The following TMC3 variants were observed in gnomAD, a reference collection of about 807,000 sequenced individuals.
TMC3 encodes the protein transmembrane channel-like protein 3.
In TMC3, 98 loss-of-function variants were observed where a neutral mutation model predicts 110.6. That is an observed-to-expected ratio of 0.89 (90% CI 0.75 to 1.05). The LOEUF (loss-of-function observed/expected upper bound fraction) is 1.05. Ranked by LOEUF, TMC3 falls within the 50% of genes least tolerant of loss-of-function variation. The pLI is 0.00. For missense variants in TMC3, 1,319 were observed against 1,373.2 expected (o/e 0.96, Z 0.62); for synonymous variants, 489 against 513.1 (o/e 0.95, Z 0.63).
At position 81,358,232 on chromosome 15, in the gene TMC3, C is replaced by T; in HGVS notation, c.660G>A (p.Gly220=). 4 of 1,613,526 alleles carry T rather than the reference C, an allele frequency of 2.5e-6. No individual in the cohort carries two copies. The highest frequency in any genetic ancestry group is 3.4e-6 in the Non-Finnish European group (4 of 1,179,668). Residue 220 remains glycine (G), a synonymous_variant, in exon 7 of 22, where the codon GGG becomes GGA. Transcript: ENST00000359440. ...YGYYGRERKI[G]RAGYRLPLAY... ...CCAAGGGCAGCCGGTAGCCAGCTCT[C>T]CCGATCTTCCTCTCCCTGCCGTAAT...
chr15:81,356,744 G>A (rs562059548), intron 7 of TMC3, 150 bp from the exon 8 acceptor site: 59 of 840,338 alleles, frequency 7.0e-5, no homozygotes, highest in African/African-American at 1.4e-4. Flanking sequence ...GGAGAGCACC[G>A]ACTGGATTTC....
chr15:81,368,725 A>C (rs983034690), intron 2 of TMC3, among the ~76,000 whole-genome samples: 14 of 152,160 alleles, frequency 9.2e-5, no homozygotes, highest in Non-Finnish European at 1.9e-4. Context: ...TTAAAAGTGC[A>C]AATCAGACCT....
chr15:81,341,120 A>G (rs1164161042), intron 16 of TMC3, among the ~76,000 whole-genome samples: 1 of 152,236 alleles, frequency 6.6e-6, no homozygotes, highest in Admixed American at 6.5e-5. Context: ...CAAGCTAAAC[A>G]TTTACGATTT....
At chr15:81,356,146 G>T (rs1455541959) in intron 8 of TMC3, among the ~76,000 whole-genome samples, 1 of 152,042 alleles carries the variant, frequency 6.6e-6, no homozygotes, top group Non-Finnish European at 1.5e-5. Flanking sequence ...TCATTTTCAG[G>T]TTATATACAT....
chr15:81,370,830 A>G (rs1293037403), intron 2 of TMC3, among the ~76,000 whole-genome samples: 1 of 152,010 alleles, frequency 6.6e-6, no homozygotes, highest in African/African-American at 2.4e-5. Flanking sequence ...GCCTGCCACC[A>G]TGCCCAACTA....
chr15:81,355,122 C>A lies in TMC3; in HGVS notation c.935+603G>T, dbSNP rs78330641. Among the ~76,000 whole-genome samples, 582 of 152,286 alleles carry A rather than the reference C, an allele frequency of 3.8e-3. 7 individuals carry two copies. The highest frequency in any genetic ancestry group is 0.013 in the African/African-American group (552 of 41,556). ...GGTGTGTTTCCTTAATTCCCCATGT[C>A]CTTTTGTACAAGTCCTCCGAATGGG... On this transcript the variant is annotated intron_variant, in intron 9 of 21. Coordinates refer to ENST00000359440, the MANE Select transcript of TMC3 (RefSeq NM_001080532.3).
chr15:81,359,677 A>T (rs1157779802), intron 4 of TMC3, among the ~76,000 whole-genome samples: 1 of 152,234 alleles, frequency 6.6e-6, no homozygotes, highest in Non-Finnish European at 1.5e-5. Flanking sequence ...ATAGGCAGGA[A>T]AAGTCTCTAG....
intron 2 of TMC3, among the ~76,000 whole-genome samples, 163 bp from the exon 3 acceptor site, chr15:81,368,491 A>G (rs901187143): frequency 3.4e-5 from 5 of 148,218 alleles, no homozygotes; most frequent in Non-Finnish European, 7.5e-5. Context: ...TCATGGTCTA[A>G]TTTTTGGTAA....
At chr15:81,338,948 A>G (rs887540431) in intron 17 of TMC3, among the ~76,000 whole-genome samples, 168 bp from the exon 18 acceptor site, 2 of 152,224 alleles carry the variant, frequency 1.3e-5, no homozygotes, top group Non-Finnish European at 2.9e-5. Flanking sequence ...ATCACATTGC[A>G]TGTATGTGTG....
chr15:81,340,496 C>A (rs538029175), intron 16 of TMC3, among the ~76,000 whole-genome samples: 1 of 152,212 alleles, frequency 6.6e-6, no homozygotes, highest in South Asian at 2.1e-4. Flanking sequence ...AGTTTGAAAG[C>A]CACTGATATA....
chr15:81,344,777 A>G lies in TMC3; in HGVS notation c.1507T>C (p.Tyr503His). Residue 503 changes from tyrosine (Y) to histidine (H), a missense_variant, in exon 13 of 22, where the codon TAC (tyrosine) becomes CAC (histidine). By Grantham distance (83) the Tyr-to-His change is moderately conservative. Coordinates refer to ENST00000359440, the MANE Select transcript of TMC3 (RefSeq NM_001080532.3). Reference sequence around the variant, plus strand: ...GTAAAGAGAACCACCTGACCAACGTATGTCTCCCAGCACTGGTCTTGTGGA... The same window carrying G: ...GTAAAGAGAACCACCTGACCAACGTGTGTCTCCCAGCACTGGTCTTGTGGA... ...QSPQDQCWET[Y>H]VGQEMLKLSI... The G allele has an allele frequency of 1.9e-6, 3 of 1,613,834 alleles. No homozygotes were observed. Among genetic ancestry groups the G allele is most frequent in the Non-Finnish European group, 2.5e-6 (3 of 1,179,890 alleles).
rs763622377 is a variant in TMC3, at chr15:81,343,353, A to G, written c.1648-8T>C. 3 of 1,597,594 alleles carry G rather than the reference A, an allele frequency of 1.9e-6. No individual in the cohort carries two copies. The highest frequency in any genetic ancestry group is 1.3e-5 in the African/African-American group (1 of 74,644). On this transcript the variant is annotated splice_polypyrimidine_tract_variant and splice_region_variant and intron_variant, in intron 14 of 21. Coordinates refer to ENST00000359440, the MANE Select transcript of TMC3 (RefSeq NM_001080532.3). ...GAATTCTCCATATTCAGGCTACAAG[A>G]GAAAATAAACTTGTGCATTAAACAA...
Position 81,356,498 on chromosome 15 carries a change from T to C in TMC3, c.840A>G (p.Gly280=), listed in dbSNP as rs1894064646. 1 of 1,569,886 alleles carries C rather than the reference T, an allele frequency of 6.4e-7. No homozygotes were observed. The highest frequency in any genetic ancestry group is 8.6e-7 in the Non-Finnish European group (1 of 1,156,934). ...TTTTGCTCTCTGCAGCCTCTGGGTT[T>C]CCAATGAGGTAATCCCAGGCACAGA... The part of the protein sequence containing the change: ...RVFCAWDYLI[G]NPEAAESKTA... The change falls in exon 8 of 22, where the codon GGA becomes GGG. Residue 280 remains glycine, a synonymous_variant. Coordinates refer to ENST00000359440, the MANE Select transcript of TMC3 (RefSeq NM_001080532.3).
At chr15:81,353,867 C>T (rs1894003235) in intron 9 of TMC3, among the ~76,000 whole-genome samples, 1 of 152,180 alleles carries the variant, frequency 6.6e-6, no homozygotes, top group African/African-American at 2.4e-5. Context: ...CTGTTATCTT[C>T]AGCTCTTAAA....
Position 81,337,844 on chromosome 15 carries a change from G to A in TMC3, c.2160+2C>T, listed in dbSNP as rs1893630546. 1.2e-6 allele frequency: 2 copies of A among 1,612,506 alleles called. No homozygotes were observed. The highest frequency in any genetic ancestry group is 1.7e-6 in the Non-Finnish European group (2 of 1,178,500). On this transcript the variant is annotated splice_donor_variant, in intron 19 of 21. Transcript: ENST00000359440. LOFTEE classifies it low-confidence loss of function (GC_TO_GT_DONOR). Reference sequence around the variant, plus strand: ...TAATAGCAAAGTTCATGAAATACTTGCGTTTTGGATCTGCATTTTGAGCTG... The same window carrying A: ...TAATAGCAAAGTTCATGAAATACTTACGTTTTGGATCTGCATTTTGAGCTG...
chr15:81,360,964 G>A (rs1176472536), intron 4 of TMC3, among the ~76,000 whole-genome samples: 6 of 147,734 alleles, frequency 4.1e-5, no homozygotes. Context: ...AGTTTATTAC[G>A]GTTTTCTCTT....
chr15:81,374,081 A>C lies in TMC3; in HGVS notation c.-4T>G. ...GGGATGCCTTCGAGGTTTTCATGGG[A>C]GCTAACCCACTGCTAACAATCAGAA... On this transcript the variant is annotated 5_prime_UTR_variant, in exon 1 of 22. Coordinates refer to ENST00000359440, the MANE Select transcript of TMC3 (RefSeq NM_001080532.3). 6.2e-7 allele frequency: 1 copy of C among 1,613,272 alleles called. No homozygotes were observed. The highest frequency in any genetic ancestry group is 8.5e-7 in the Non-Finnish European group (1 of 1,179,616).
At chr15:81,365,670 C>CAAAAAAA (rs398043535) in intron 3 of TMC3, among the ~76,000 whole-genome samples, 1 of 82,170 alleles carries the variant, frequency 1.2e-5, no homozygotes, top group African/African-American at 3.8e-5. Flanking sequence ...GACTCTGTCT[C>CAAAAAAA]AAAAAAAAAA....
chr15:81,340,984 G>A (rs1228619116), intron 16 of TMC3, among the ~76,000 whole-genome samples: 1 of 152,224 alleles, frequency 6.6e-6, no homozygotes, highest in Admixed American at 6.5e-5. Context: ...TAAAACCCAG[G>A]CAAGCCTAAT....
Sources: gnomAD v4.1 joint callset for allele counts (sites outside exome capture counted in the v4.1 genomes callset) on GRCh38, gnomAD v4.1.1 for gene constraint, MANE v1.5 for transcripts, NCBI Gene and HGNC (gene_info 2026-07-23, HGNC 2026-07-21) for gene names.